MAGI2: variants seen among roughly 807,000 people sequenced by gnomAD.
The protein encoded by MAGI2 is membrane associated guanylate kinase, WW and PDZ domain containing 2, also known as membrane-associated guanylate kinase, WW and PDZ domain-containing protein 2.
MAGI2 carries 35 observed loss-of-function variants against 133.3 expected under a neutral mutation model. The ratio of observed to expected loss-of-function variants is 0.26; its 90% CI spans 0.20 to 0.35. The LOEUF (loss-of-function observed/expected upper bound fraction) is 0.35, where lower values mean the gene tolerates loss of function less well. Ranked by LOEUF, MAGI2 falls within the 10% of genes least tolerant of loss-of-function variation. The pLI is 1.00. For missense variants in MAGI2, 1,636 were observed against 1,863.4 expected (o/e 0.88, Z 2.25); for synonymous variants, 729 against 710.6 (o/e 1.03, Z -0.41).
intron 1 of MAGI2, among the ~76,000 whole-genome samples, chr7:79,242,231 G>T (rs2129555075): frequency 6.6e-6 from 1 of 152,206 alleles, no homozygotes; most frequent in South Asian, 2.1e-4. Flanking sequence ...TAATTAGCTT[G>T]ATTTAGCCAG....
intron 1 of MAGI2, chr7:79,124,709 T>C (rs1820240851): frequency 6.5e-6 from 1 of 152,996 alleles, no homozygotes; most frequent in African/African-American, 2.4e-5. Context: ...ATCATTAAAG[T>C]CTCTCTGCCT....
chr7:79,077,597 AAATAAATAAAT>A (rs1815639819), intron 1 of MAGI2, among the ~76,000 whole-genome samples: 7 of 17,710 alleles, frequency 4.0e-4, no homozygotes, highest in Admixed American at 9.0e-4. Context: ...AAAAAAAAAT[AAATAAATAAAT>A]AAATTCCCTT....
chr7:79,274,661 A>AT (rs1488321476), intron 1 of MAGI2, among the ~76,000 whole-genome samples: 1 of 152,044 alleles, frequency 6.6e-6, no homozygotes, highest in Non-Finnish European at 1.5e-5. Flanking sequence ...TTACAGGCAT[A>AT]TTTTGTATTA....
chr7:78,439,379 TAAC>T (rs1584123510), intron 6 of MAGI2, among the ~76,000 whole-genome samples: 1 of 61,802 alleles, frequency 1.6e-5, no homozygotes, highest in East Asian at 5.8e-4. Flanking sequence ...TTACAGTGCC[TAAC>T]TGTGTAAATA....
At chr7:78,391,561 G>A (rs1428406667) in intron 6 of MAGI2, among the ~76,000 whole-genome samples, 2 of 152,108 alleles carry the variant, frequency 1.3e-5, no homozygotes, top group African/African-American at 2.4e-5. Context: ...ATTTACAAAA[G>A]ACACATTTTG....
chr7:78,836,330 T>C (rs1411532), intron 2 of MAGI2, among the ~76,000 whole-genome samples: 54,336 of 151,848 alleles, frequency 0.36, 10,377 homozygotes, highest in East Asian at 0.71. Context: ...CCAATGTTTT[T>C]CTTGTACAAC....
intron 3 of MAGI2, among the ~76,000 whole-genome samples, chr7:78,611,983 T>C (rs759155063): frequency 6.6e-6 from 1 of 152,192 alleles, no homozygotes; most frequent in Non-Finnish European, 1.5e-5. Flanking sequence ...TTGATATATT[T>C]AAGTCCAAAT....
chr7:79,208,118 G>T (rs1829214404), intron 1 of MAGI2, among the ~76,000 whole-genome samples: 1 of 151,842 alleles, frequency 6.6e-6, no homozygotes, highest in South Asian at 2.1e-4. Flanking sequence ...GCATGACATT[G>T]GACTGGGCAA....
chr7:78,388,151 A>G (rs976482028), intron 6 of MAGI2, among the ~76,000 whole-genome samples: 3 of 152,066 alleles, frequency 2.0e-5, no homozygotes, highest in Non-Finnish European at 2.9e-5. Context: ...CATAAGCCTC[A>G]GTTTATTTAT....
At chr7:78,781,371 T>TCC (rs1181025476) in intron 2 of MAGI2, among the ~76,000 whole-genome samples, 1 of 102,514 alleles carries the variant, frequency 9.8e-6, no homozygotes. Context: ...ACAGTGAGAC[T>TCC]CCGTCTCACA....
chr7:78,659,135 G>A (rs958412691), intron 2 of MAGI2, among the ~76,000 whole-genome samples: 7 of 152,086 alleles, frequency 4.6e-5, no homozygotes, highest in African/African-American at 1.7e-4. Flanking sequence ...AATTAGCAAT[G>A]AAAAGAAACA....
chr7:78,157,832 G>A (rs1325863037), intron 16 of MAGI2, among the ~76,000 whole-genome samples: 2 of 152,136 alleles, frequency 1.3e-5, no homozygotes, highest in Admixed American at 1.3e-4. Context: ...TCTGCTTTTA[G>A]TCTATGCTTA....
At chr7:78,236,122 AT>A (rs1790516145) in intron 10 of MAGI2, among the ~76,000 whole-genome samples, 1 of 151,752 alleles carries the variant, frequency 6.6e-6, no homozygotes, top group Non-Finnish European at 1.5e-5. Context: ...TATAGGGTTA[AT>A]CTGTTCTTAC....
intron 6 of MAGI2, among the ~76,000 whole-genome samples, chr7:78,406,444 C>T (rs1314192155): frequency 6.6e-6 from 1 of 151,968 alleles, no homozygotes; most frequent in South Asian, 2.1e-4. Context: ...CACATATTTT[C>T]CCCTTTGGAC....
At chr7:79,192,146 T>C (rs569426679) in intron 1 of MAGI2, among the ~76,000 whole-genome samples, 3 of 152,026 alleles carry the variant, frequency 2.0e-5, no homozygotes, top group African/African-American at 7.2e-5. Flanking sequence ...TATTTCCTTT[T>C]GCCTTTCCGT....
chr7:78,828,885 T>G (rs556216300), intron 2 of MAGI2, among the ~76,000 whole-genome samples: 1 of 152,258 alleles, frequency 6.6e-6, no homozygotes, highest in African/African-American at 2.4e-5. Context: ...AATATAAAAT[T>G]GGTTCTTTTT....
intron 1 of MAGI2, among the ~76,000 whole-genome samples, chr7:79,280,906 C>G (rs1835584216): frequency 9.2e-6 from 1 of 109,212 alleles, no homozygotes. Flanking sequence ...GCCTGGGTGA[C>G]AGAGCAAGAC....
At chr7:78,098,896 T>C (rs1817951464) in intron 20 of MAGI2, among the ~76,000 whole-genome samples, 1 of 152,224 alleles carries the variant, frequency 6.6e-6, no homozygotes, top group Non-Finnish European at 1.5e-5. Flanking sequence ...TCTTCATTCA[T>C]AAATTCTTCC....
intron 3 of MAGI2, among the ~76,000 whole-genome samples, chr7:78,535,193 G>A (rs1797786329): frequency 6.6e-6 from 1 of 152,068 alleles, no homozygotes; most frequent in Non-Finnish European, 1.5e-5. Flanking sequence ...GGTACAGAGA[G>A]GAAAAAGCAT....
Sources: allele counts gnomAD v4.1 joint callset (sites outside exome capture counted in the v4.1 genomes callset), GRCh38; gene constraint gnomAD v4.1.1; transcripts MANE v1.5; gene names NCBI Gene and HGNC (gene_info 2026-07-23, HGNC 2026-07-21).